CACNA2D3: variants seen among roughly 807,000 people sequenced by gnomAD.
CACNA2D3 encodes the protein voltage-dependent calcium channel subunit alpha-2/delta-3.
In CACNA2D3, 60 loss-of-function variants were observed where a neutral mutation model predicts 160.6. That is an observed-to-expected ratio of 0.37 (90% CI 0.30 to 0.46). The LOEUF is 0.46. Among genes scored for constraint, CACNA2D3 ranks in the 20% least tolerant of loss-of-function variants. The pLI is 1.00. For missense variants in CACNA2D3, 1,205 were observed against 1,365.0 expected (o/e 0.88, Z 1.85); for synonymous variants, 558 against 492.9 (o/e 1.13, Z -1.75).
chr3:54,641,528 G>T (rs188315675), intron 10 of CACNA2D3, among the ~76,000 whole-genome samples: 2 of 152,284 alleles, frequency 1.3e-5, no homozygotes, highest in Non-Finnish European at 2.9e-5. Flanking sequence ...CCTGGATTAG[G>T]AAAAGACCTA....
intron 27 of CACNA2D3, among the ~76,000 whole-genome samples, chr3:54,944,727 A>C (rs1701568113): frequency 6.6e-6 from 1 of 152,000 alleles, no homozygotes; most frequent in South Asian, 2.1e-4. Context: ...AGCCTCCAAG[A>C]GTTATTTTTT....
chr3:54,303,818 G>GTTTTTTTTTTTTTTTTT (rs71617795), intron 2 of CACNA2D3, among the ~76,000 whole-genome samples: 2 of 115,004 alleles, frequency 1.7e-5, no homozygotes, highest in African/African-American at 6.8e-5. Flanking sequence ...CTTTTTTTCT[G>GTTTTTTTTTTTTTTTTT]TTTTTTTTTT....
chr3:54,197,056 A>G (rs965353754), intron 2 of CACNA2D3, among the ~76,000 whole-genome samples: 3 of 152,136 alleles, frequency 2.0e-5, no homozygotes, highest in Admixed American at 2.0e-4. Flanking sequence ...TTTTTCTTAA[A>G]TTTTATCTTC....
chr3:54,545,538 T>G (rs996994577), intron 5 of CACNA2D3, among the ~76,000 whole-genome samples: 1 of 152,256 alleles, frequency 6.6e-6, no homozygotes, highest in Non-Finnish European at 1.5e-5. Context: ...CTTCTTTCTT[T>G]TTTTTCTTTA....
chr3:54,371,130 G>T (rs1698919640), intron 3 of CACNA2D3, among the ~76,000 whole-genome samples: 1 of 152,016 alleles, frequency 6.6e-6, no homozygotes, highest in African/African-American at 2.4e-5. Context: ...TGGACATTTG[G>T]GTTGTTTCCA....
At chr3:54,403,353 T>TGAAACACA in intron 4 of CACNA2D3, among the ~76,000 whole-genome samples, 1 of 100,394 alleles carries the variant, frequency 1.0e-5, no homozygotes, top group South Asian at 3.7e-4. Flanking sequence ...GGACCCTATC[T>TGAAACACA]CAAACACACA....
chr3:54,949,829 ACTGGGCC>A (rs2107011940), intron 27 of CACNA2D3, among the ~76,000 whole-genome samples: 1 of 152,200 alleles, frequency 6.6e-6, no homozygotes, highest in South Asian at 2.1e-4. Context: ...CTTTCTGAAA[ACTGGGCC>A]CCTGCCAAGC....
At chr3:54,696,612 C>T (rs1190001072) in intron 11 of CACNA2D3, among the ~76,000 whole-genome samples, 1 of 151,964 alleles carries the variant, frequency 6.6e-6, no homozygotes, top group African/African-American at 2.4e-5. Context: ...TTCCACTGTC[C>T]CCCACTCACC....
chr3:54,891,257 C>A, intron 24 of CACNA2D3, 98 bp from the exon 25 acceptor site: 2 of 647,622 alleles, frequency 3.1e-6, no homozygotes, highest in East Asian at 3.2e-5. Flanking sequence ...AGTTTCAAAA[C>A]TGCTATTTGG....
At chr3:54,887,481 A>G (rs551119457) in intron 23 of CACNA2D3, among the ~76,000 whole-genome samples, 46 of 152,304 alleles carry the variant, frequency 3.0e-4, no homozygotes, top group African/African-American at 1.0e-3. Context: ...CTTAAAAAGA[A>G]GGAATCACAA....
Position 55,073,477 on chromosome 3 carries a change from A to G in CACNA2D3, c.3020A>G (p.Asn1007Ser). The change falls in exon 36 of 38, where the codon AAC becomes AGC. Residue 1007 changes from asparagine (N) to serine (S), a missense_variant. Asn to Ser is a conservative substitution (Grantham distance 46). Around this residue, in one of 3 missense-constraint regions of CACNA2D3, gnomAD observed 911 missense variants for 1,002.2 expected, o/e 0.91. Coordinates refer to ENST00000474759, the MANE Select transcript of CACNA2D3 (RefSeq NM_018398.3). Reference sequence around the variant, plus strand: ...GTCATCCAGCAAATCCCAAGCAGCAACCTGTTCATGGTGGTGGTGGACAGC... The same window carrying G: ...GTCATCCAGCAAATCCCAAGCAGCAGCCTGTTCATGGTGGTGGTGGACAGC... ...SFVIQQIPSS[N>S]LFMVVVDSSC... 1 of 1,613,930 alleles carries G rather than the reference A, an allele frequency of 6.2e-7. No individual in the cohort carries two copies. The highest frequency in any genetic ancestry group is 8.5e-7 in the Non-Finnish European group (1 of 1,179,860).
At chr3:55,020,125 A>C (rs1404566839) in intron 35 of CACNA2D3, among the ~76,000 whole-genome samples, 1 of 151,882 alleles carries the variant, frequency 6.6e-6, no homozygotes, top group East Asian at 1.9e-4. Context: ...CATTACAAAA[A>C]AATTTTCCTT....
chr3:54,651,030 G>C (rs915903531), intron 11 of CACNA2D3, among the ~76,000 whole-genome samples: 1 of 152,166 alleles, frequency 6.6e-6, no homozygotes, highest in African/African-American at 2.4e-5. Context: ...CTAGCATTTG[G>C]TGGACCTGAA....
chr3:54,134,337 G>A (rs1206936985), intron 2 of CACNA2D3, among the ~76,000 whole-genome samples: 2 of 152,130 alleles, frequency 1.3e-5, no homozygotes, highest in Non-Finnish European at 2.9e-5. Context: ...TCCCCAGGGC[G>A]TGCTTGCTCT....
chr3:54,752,505 A>G (rs760658558), intron 11 of CACNA2D3, 94 bp from the exon 12 acceptor site: 42 of 775,416 alleles, frequency 5.4e-5, no homozygotes, highest in Non-Finnish European at 9.1e-5. Flanking sequence ...GGAGCATTAA[A>G]GAGGTAAGCC....
chr3:54,310,597 T>C (rs1703716903), intron 2 of CACNA2D3, among the ~76,000 whole-genome samples: 1 of 152,066 alleles, frequency 6.6e-6, no homozygotes, highest in Admixed American at 6.5e-5. Flanking sequence ...GCCTTGTGAA[T>C]GTATTAGAAA....
At chr3:54,228,795 A>G (rs1701718662) in intron 2 of CACNA2D3, among the ~76,000 whole-genome samples, 1 of 152,222 alleles carries the variant, frequency 6.6e-6, no homozygotes, top group African/African-American at 2.4e-5. Context: ...ATTACTGCCT[A>G]TATTGTCAAG....
intron 4 of CACNA2D3, among the ~76,000 whole-genome samples, chr3:54,449,125 T>C (rs1027138548): frequency 2.0e-5 from 3 of 152,222 alleles, no homozygotes; most frequent in Non-Finnish European, 2.9e-5. Context: ...TGCAATAATA[T>C]GGAGTAAAGA....
intron 2 of CACNA2D3, among the ~76,000 whole-genome samples, chr3:54,216,575 T>C (rs1218000955): frequency 6.6e-6 from 1 of 152,192 alleles, no homozygotes; most frequent in African/African-American, 2.4e-5. Context: ...TTTAAACTAA[T>C]TAGATGAGGA....
Sources: allele counts gnomAD v4.1 joint callset (sites outside exome capture counted in the v4.1 genomes callset), GRCh38; gene constraint gnomAD v4.1.1; regional missense constraint gnomAD v4.1.1; transcripts MANE v1.5; gene names NCBI Gene and HGNC (gene_info 2026-07-23, HGNC 2026-07-21).